The following TEX9 variants were observed in gnomAD, a reference collection of about 807,000 sequenced individuals.
TEX9 encodes the protein testis expressed 9.
TEX9 carries 74 observed loss-of-function variants against 59.6 expected under a neutral mutation model. The ratio of observed to expected loss-of-function variants is 1.24; its 90% CI spans 1.03 to 1.51. The LOEUF (loss-of-function observed/expected upper bound fraction) is 1.51. Ranked by LOEUF, TEX9 falls within the 40% of genes most tolerant of loss-of-function variation. The pLI is 0.00. For missense variants in TEX9, 522 were observed against 447.8 expected, an observed-to-expected ratio of 1.17 and a Z score of -1.49; for synonymous variants, 186 against 152.2, an observed-to-expected ratio of 1.22 and a Z score of -1.64.
chr15:56,338,918 T>TA (rs1224866013), intron 1 of TEX9, among the ~76,000 whole-genome samples: 1 of 151,640 alleles, frequency 6.6e-6, no homozygotes, highest in African/African-American at 2.4e-5. Context: ...AACATTGTCT[T>TA]AAAAAAAAGT....
At chr15:56,403,801 A>G (rs2048925834) in intron 9 of TEX9, among the ~76,000 whole-genome samples, 1 of 152,260 alleles carries the variant, frequency 6.6e-6, no homozygotes, top group African/African-American at 2.4e-5. Context: ...CCAATGGAAC[A>G]GAACAGAGCC....
chr15:56,345,023 C>A lies in TEX9; in HGVS notation c.-106-28418C>A, dbSNP rs2046441703. ...TTGATTTACTTACTAGTTTTTCTAT[C>A]TATCTATCTATCTGGATATATATAT... On this transcript the variant is annotated intron_variant, in intron 1 of 5. Coordinates refer to the TEX9 transcript ENST00000560827. 3.0e-5 allele frequency among the ~76,000 whole-genome samples: 4 copies of A among 135,342 alleles called. No individual in the cohort carries two copies. The South Asian group carries it at 9.6e-4, about 32-fold the overall frequency. The allele number at this position is 135,342 out of a possible 152,430, so 88.8% of individuals were successfully genotyped here.
At chr15:56,260,742 G>A (rs977035549) in intron 1 of TEX9, among the ~76,000 whole-genome samples, 1 of 151,678 alleles carries the variant, frequency 6.6e-6, no homozygotes, top group Non-Finnish European at 1.5e-5. Context: ...TTTGTGTTAG[G>A]GTTGTTCTAG....
At chr15:56,375,440 G>A (rs1351142146) in intron 3 of TEX9, among the ~76,000 whole-genome samples, 27 of 151,832 alleles carry the variant, frequency 1.8e-4, no homozygotes, top group African/African-American at 5.3e-4. Flanking sequence ...AGTAGGTTGC[G>A]AAAATTTTCT....
At chr15:56,358,253 G>C (rs1485267491) in intron 1 of TEX9, among the ~76,000 whole-genome samples, 2 of 151,768 alleles carry the variant, frequency 1.3e-5, no homozygotes, top group African/African-American at 4.8e-5. Flanking sequence ...TTGTTTATTT[G>C]TGGGGAAGAG....
intron 12 of TEX9, among the ~76,000 whole-genome samples, chr15:56,439,965 G>A (rs1567149824): frequency 6.6e-6 from 1 of 152,058 alleles, no homozygotes; most frequent in Non-Finnish European, 1.5e-5. Flanking sequence ...TTAAAAGGAT[G>A]AGAAGATAAA....
intron 1 of TEX9, among the ~76,000 whole-genome samples, chr15:56,250,168 C>G (rs986066717): frequency 3.9e-5 from 6 of 152,112 alleles, no homozygotes; most frequent in African/African-American, 1.4e-4. Context: ...TCTTGCACAC[C>G]CAAATTTGTA....
intron 12 of TEX9, chr15:56,429,486 G>T (rs1325879952): frequency 3.5e-6 from 1 of 282,582 alleles, no homozygotes. Flanking sequence ...TAGATAGGAA[G>T]GCACTTCATC....
chr15:56,255,031 G>C (rs1191364761), intron 1 of TEX9, among the ~76,000 whole-genome samples: 1 of 151,976 alleles, frequency 6.6e-6, no homozygotes, highest in Admixed American at 6.6e-5. Context: ...AGAGAAAAGA[G>C]ATGATTTGTC....
chr15:56,390,616 G>C (rs2048163516), intron 6 of TEX9, among the ~76,000 whole-genome samples: 1 of 152,006 alleles, frequency 6.6e-6, no homozygotes, highest in Non-Finnish European at 1.5e-5. Context: ...AAATGAGTTT[G>C]ATTTTGTCTG....
At chr15:56,261,266 T>G (rs1486693061) in intron 1 of TEX9, among the ~76,000 whole-genome samples, 1 of 152,126 alleles carries the variant, frequency 6.6e-6, no homozygotes, top group Non-Finnish European at 1.5e-5. Flanking sequence ...TTTCTGTTCT[T>G]TTTCTAACTT....
intron 4 of TEX9, among the ~76,000 whole-genome samples, chr15:56,386,577 C>T (rs4142479): frequency 0.058 from 8,861 of 151,878 alleles, 670 homozygotes; most frequent in East Asian, 0.37. Context: ...ACATCAATTA[C>T]ACATTTTTAT....
intron 1 of TEX9, among the ~76,000 whole-genome samples, chr15:56,249,558 T>C (rs1431674973): frequency 6.6e-6 from 1 of 151,568 alleles, no homozygotes; most frequent in Non-Finnish European, 1.5e-5. Context: ...GCGAAGATGG[T>C]GAAACCCCGT....
At chr15:56,344,017 C>T (rs1468889787) in intron 1 of TEX9, among the ~76,000 whole-genome samples, 3 of 152,094 alleles carry the variant, frequency 2.0e-5, no homozygotes, top group African/African-American at 7.2e-5. Context: ...TGGACAATAA[C>T]AAATGTTAGC....
intron 1 of TEX9, among the ~76,000 whole-genome samples, chr15:56,328,415 G>A (rs71476788): frequency 0.025 from 3,755 of 152,236 alleles, 84 homozygotes; most frequent in Admixed American, 0.04. Flanking sequence ...AAAGTAAAGG[G>A]GATTTTGTCT....
intron 10 of TEX9, among the ~76,000 whole-genome samples, chr15:56,425,771 T>G (rs2050208058): frequency 6.6e-6 from 1 of 152,130 alleles, no homozygotes; most frequent in Non-Finnish European, 1.5e-5. Context: ...GTTTCCCTGT[T>G]TCTTTGAATG....
the TEX9 span, among the ~76,000 whole-genome samples, chr15:56,456,968 A>G: frequency 6.6e-6 from 1 of 152,188 alleles, no homozygotes; most frequent in South Asian, 2.1e-4. Context: ...CTAATTAACA[A>G]TAATTCCTTA....
Position 56,410,642 on chromosome 15 carries a change from C to A in TEX9, c.829-1660C>A, listed in dbSNP as rs28408440. Among the ~76,000 whole-genome samples the A allele has an allele frequency of 5.3e-5, 8 of 152,080 alleles. 1 individual carries two copies. Among genetic ancestry groups the A allele is most frequent in the Admixed American group, 2.6e-4 (4 of 15,268 alleles). On this transcript the variant is annotated intron_variant, in intron 9 of 12. Coordinates refer to ENST00000352903, the Ensembl canonical transcript of TEX9. The stretch of plus-strand genomic sequence containing the variant: ...ATTCTTGTGGCTATCATTTTTCCCC[C>A]ACACCTCCCAAGAAGAGGGCAGTAT...
chr15:56,330,952 A>T (rs1343419236), intron 1 of TEX9, among the ~76,000 whole-genome samples: 1 of 152,206 alleles, frequency 6.6e-6, no homozygotes, highest in Non-Finnish European at 1.5e-5. Context: ...GACTGAAAAT[A>T]AAGAAATGGA....
Sources: allele counts gnomAD v4.1 joint callset (sites outside exome capture counted in the v4.1 genomes callset), GRCh38; gene constraint gnomAD v4.1.1; transcripts MANE v1.5; gene names NCBI Gene and HGNC (gene_info 2026-07-23, HGNC 2026-07-21).